The following MANBA variants were observed in gnomAD, a reference collection of about 807,000 sequenced individuals.
MANBA encodes mannosidase beta, also known as beta-mannosidase.
MANBA carries 83 observed loss-of-function variants against 111.1 expected under a neutral mutation model. That is an observed-to-expected ratio of 0.75 (90% confidence interval 0.63 to 0.90). MANBA has a LOEUF of 0.90. Among genes scored for constraint, MANBA ranks in the 40% least tolerant of loss-of-function variants. The pLI is 0.00. For synonymous variants in MANBA, 370 were observed against 378.7 expected (o/e 0.98, Z 0.27); for missense variants, 1,036 against 1,069.0 (o/e 0.97, Z 0.43).
At chr4:102,710,315 T>C (rs1722002711) in intron 5 of MANBA, among the ~76,000 whole-genome samples, 1 of 152,128 alleles carries the variant, frequency 6.6e-6, no homozygotes, top group South Asian at 2.1e-4. Flanking sequence ...AGCAAATTTG[T>C]AGGACACAAA....
At chr4:102,749,284 G>A (rs542003838) in intron 1 of MANBA, among the ~76,000 whole-genome samples, 1 of 152,336 alleles carries the variant, frequency 6.6e-6, no homozygotes, top group South Asian at 2.1e-4. Context: ...GAGTTGAACA[G>A]AATTTCTAGC....
chr4:102,653,442 A>C (rs574906853), intron 12 of MANBA, among the ~76,000 whole-genome samples: 1 of 152,368 alleles, frequency 6.6e-6, no homozygotes, highest in Admixed American at 6.5e-5. Flanking sequence ...ATCACATGTT[A>C]AAATTATATT....
At chr4:102,691,624 G>T (rs929988059) in intron 5 of MANBA, among the ~76,000 whole-genome samples, 1 of 150,952 alleles carries the variant, frequency 6.6e-6, no homozygotes, top group African/African-American at 2.4e-5. Context: ...TCCTGCCTCA[G>T]CCTTCTGAGC....
chr4:102,631,260 T>C lies in MANBA; in HGVS notation c.*797A>G, dbSNP rs1223129657. On this transcript the variant is annotated 3_prime_UTR_variant, in exon 17 of 17. Coordinates refer to ENST00000647097, the MANE Select transcript of MANBA (RefSeq NM_005908.4). ...TTCTCATTTTTAAAACCAAAACCAC[T>C]AATAATATCTTAATTTTAAAGCCAA... 6.6e-6 allele frequency: 1 copy of C among 152,274 alleles called. No individual in the cohort carries two copies. The highest frequency in any genetic ancestry group is 2.4e-5 in the African/African-American group (1 of 41,384). The allele number at this position is 152,274 out of a possible 1,614,324, so 9.4% of individuals were successfully genotyped here. A position where few individuals can be genotyped will look rare whatever the true frequency, so the allele number is the denominator to read the frequency against.
chr4:102,711,903 A>T (rs537090943), intron 5 of MANBA, among the ~76,000 whole-genome samples: 10 of 152,306 alleles, frequency 6.6e-5, no homozygotes, highest in Admixed American at 2.6e-4. Flanking sequence ...ACGAGAGGCT[A>T]GGAGGGGTAT....
chr4:102,657,745 T>C lies in MANBA; in HGVS notation c.1641A>G (p.Pro547=), dbSNP rs2110209971. 6.2e-7 allele frequency: 1 copy of C among 1,613,970 alleles called. No individual in the cohort carries two copies. Among genetic ancestry groups the C allele is most frequent in the Non-Finnish European group, 8.5e-7 (1 of 1,179,854 alleles). The change falls in exon 12 of 17, where the codon CCA becomes CCG. Residue 547 remains proline, a synonymous_variant. Transcript: ENST00000647097. The part of the protein sequence containing the change: ...ISDCWNWKVF[P]KARFASEYGY... ...CATATTCAGATGCAAATCGAGCTTT[T>C]GGGAAAACTTTCCAGTTCCAGCAAT...
At chr4:102,679,801 C>T (rs1389855109) in intron 7 of MANBA, 1 of 151,930 alleles carries the variant, frequency 6.6e-6, no homozygotes, top group Non-Finnish European at 1.5e-5. Flanking sequence ...AAGTATTAAA[C>T]ATAATAAGTT....
chr4:102,756,700 C>G lies in MANBA; in HGVS notation c.177+4018G>C, dbSNP rs1441778817. On this transcript the variant is annotated intron_variant, in intron 1 of 16. Coordinates refer to ENST00000647097, the MANE Select transcript of MANBA (RefSeq NM_005908.4). ...CTGTTGGGGGCATTAGTCACATGAA[C>G]AGCTGTCAAAAAAAATAGTGGTTAT... 4.1e-5 allele frequency among the ~76,000 whole-genome samples: 6 copies of G among 147,422 alleles called. No individual in the cohort carries two copies. In the Admixed American group the frequency reaches 4.1e-4, roughly 10 times the overall value.
Position 102,723,968 on chromosome 4 carries a change from C to T in MANBA, c.273-1G>A. On this transcript the variant is annotated splice_acceptor_variant, in intron 2 of 16. Transcript: ENST00000647097. LOFTEE classifies it high-confidence loss of function. Reference sequence around the variant, plus strand: ...AATCAAATTTACTTTTTGCCATTTGCTAAAAAAAAGAAAAGATTTTTAAAA... The same window carrying T: ...AATCAAATTTACTTTTTGCCATTTGTTAAAAAAAAGAAAAGATTTTTAAAA... 5.7e-6 allele frequency: 9 copies of T among 1,573,884 alleles called. No individual in the cohort carries two copies. The highest frequency in any genetic ancestry group is 5.6e-5 in the South Asian group (5 of 89,060).
At chr4:102,757,753 CT>C (rs903519835) in intron 1 of MANBA, among the ~76,000 whole-genome samples, 21 of 152,190 alleles carry the variant, frequency 1.4e-4, no homozygotes, top group African/African-American at 4.8e-4. Flanking sequence ...ACAGAGTGAC[CT>C]TTAAAAAGGC....
intron 10 of MANBA, chr4:102,665,838 T>C (rs1578883523): frequency 6.6e-6 from 1 of 152,348 alleles, no homozygotes; most frequent in East Asian, 1.9e-4. Context: ...TGATGCATGA[T>C]TACACTGATT....
At chr4:102,719,284 G>A (rs1722471680) in intron 4 of MANBA, among the ~76,000 whole-genome samples, 2 of 152,150 alleles carry the variant, frequency 1.3e-5, no homozygotes, top group Non-Finnish European at 2.9e-5. Flanking sequence ...TCCGTTTATA[G>A]GCTTTCTGCA....
chr4:102,720,332 G>A (rs1363822318), intron 4 of MANBA, among the ~76,000 whole-genome samples: 5 of 152,098 alleles, frequency 3.3e-5, no homozygotes, highest in Non-Finnish European at 5.9e-5. Context: ...CTACTTGGGA[G>A]GCTGAGGCAA....
chr4:102,663,900 A>G (rs1052944505), intron 11 of MANBA, among the ~76,000 whole-genome samples: 31 of 152,368 alleles, frequency 2.0e-4, no homozygotes, highest in African/African-American at 7.2e-4. Flanking sequence ...TTAGACAAAC[A>G]GTGGTGCAAA....
chr4:102,729,171 G>A (rs1275829215), intron 1 of MANBA: 3 of 722,980 alleles, frequency 4.1e-6, no homozygotes, highest in African/African-American at 3.5e-5. Context: ...CATCTGTGAT[G>A]GTGCCCTCCA....
intron 5 of MANBA, among the ~76,000 whole-genome samples, chr4:102,707,404 TA>T (rs1164609889): frequency 6.6e-6 from 1 of 152,162 alleles, no homozygotes; most frequent in Non-Finnish European, 1.5e-5. Context: ...TCATCACCAC[TA>T]GACCAGACCT....
At chr4:102,707,463 A>G (rs1040107816) in intron 5 of MANBA, among the ~76,000 whole-genome samples, 1 of 152,222 alleles carries the variant, frequency 6.6e-6, no homozygotes, top group African/African-American at 2.4e-5. Flanking sequence ...AAAGGACAAT[A>G]TCTACCATCA....
Position 102,631,131 on chromosome 4 carries a change from T to TGTGG in MANBA, c.*925_*926insCCAC, listed in dbSNP as rs1729359588. 1 of 152,470 alleles carries TGTGG rather than the reference T, an allele frequency of 6.6e-6. No homozygotes were observed. The highest frequency in any genetic ancestry group is 1.5e-5 in the Non-Finnish European group (1 of 68,520). The allele number at this position is 152,470 out of a possible 1,614,324, so 9.4% of individuals were successfully genotyped here. On this transcript the variant is annotated 3_prime_UTR_variant, in exon 17 of 17. Coordinates refer to ENST00000647097, the MANE Select transcript of MANBA (RefSeq NM_005908.4). ...TTGTGTGTGTGTGTGTGTGTGTGTG[T>TGTGG]GTGTGTGTGTGTGTGTGTGTGTACA...
At chr4:102,686,103 G>A (rs1342761140) in intron 7 of MANBA, among the ~76,000 whole-genome samples, 2 of 152,048 alleles carry the variant, frequency 1.3e-5, no homozygotes, top group Non-Finnish European at 2.9e-5. Context: ...CAACATATGG[G>A]TCCTAAATCT....
Sources: gnomAD v4.1 joint callset for allele counts (sites outside exome capture counted in the v4.1 genomes callset) on GRCh38, gnomAD v4.1.1 for gene constraint, MANE v1.5 for transcripts, NCBI Gene and HGNC (gene_info 2026-07-23, HGNC 2026-07-21) for gene names.